The following SPMIP3 variants were observed in gnomAD, a reference collection of about 807,000 sequenced individuals.
SPMIP3 encodes protein SPMIP3.
chr1:244,370,481 T>C, the SPMIP3 span, among the ~76,000 whole-genome samples: 1 of 152,382 alleles, frequency 6.6e-6, no homozygotes, highest in Admixed American at 6.5e-5. Flanking sequence ...TGCCTAAACG[T>C]GGCTTTCCTG....
At chr1:244,377,844 G>T in the SPMIP3 span, among the ~76,000 whole-genome samples, 1 of 152,114 alleles carries the variant, frequency 6.6e-6, no homozygotes, top group Admixed American at 6.6e-5. Context: ...CTTTGAGACA[G>T]GGTCGGGCTC....
At chr1:244,379,431 C>G in the SPMIP3 span, among the ~76,000 whole-genome samples, 1 of 151,946 alleles carries the variant, frequency 6.6e-6, no homozygotes, top group East Asian at 1.9e-4. Flanking sequence ...GCCTCAAACT[C>G]CTGGCCTCAA....
the SPMIP3 span, among the ~76,000 whole-genome samples, chr1:244,384,187 G>A: frequency 6.6e-6 from 1 of 152,268 alleles, no homozygotes; most frequent in East Asian, 1.9e-4. Flanking sequence ...GAGTCAGGAG[G>A]AAATTGCAGT....
the SPMIP3 span, among the ~76,000 whole-genome samples, chr1:244,386,627 T>C: frequency 3.9e-4 from 59 of 152,214 alleles, no homozygotes; most frequent in African/African-American, 1.2e-3. Context: ...AAGGCCATCA[T>C]TGCTATTTGA....
At chr1:244,378,774 G>T in the SPMIP3 span, 1 of 971,534 alleles carries the variant, frequency 1.0e-6, no homozygotes, top group Non-Finnish European at 1.5e-6. Context: ...ATGTGTGTGT[G>T]TGTTTCTGGG....
chr1:244,387,102 A>G, the SPMIP3 span, among the ~76,000 whole-genome samples: 1 of 152,204 alleles, frequency 6.6e-6, no homozygotes, highest in Non-Finnish European at 1.5e-5. Flanking sequence ...CAGGAGTTCG[A>G]GACTAGCCTG....
the SPMIP3 span, among the ~76,000 whole-genome samples, chr1:244,354,485 A>C: frequency 6.6e-6 from 1 of 151,440 alleles, no homozygotes; most frequent in Admixed American, 6.6e-5. Context: ...CCTCCAGAGT[A>C]GCTGAGACTA....
the SPMIP3 span, among the ~76,000 whole-genome samples, chr1:244,374,608 T>C: frequency 7.0e-6 from 1 of 142,514 alleles, no homozygotes; most frequent in African/African-American, 2.6e-5. Context: ...TTTTTTTTTT[T>C]TTTTTTGAGA....
chr1:244,388,882 A>G, the SPMIP3 span: 1 of 1,240,860 alleles, frequency 8.1e-7, no homozygotes, highest in Non-Finnish European at 1.2e-6. Flanking sequence ...CAACTGCTAA[A>G]AGGACAGTGT....
At chr1:244,373,978 T>C in the SPMIP3 span, among the ~76,000 whole-genome samples, 53 of 152,122 alleles carry the variant, frequency 3.5e-4, no homozygotes, top group African/African-American at 1.2e-3. Context: ...CCCGGTGTGG[T>C]GGCAGGCACC....
chr1:244,385,950 G>C, the SPMIP3 span, among the ~76,000 whole-genome samples: 1 of 151,878 alleles, frequency 6.6e-6, no homozygotes, highest in Non-Finnish European at 1.5e-5. Context: ...GATCACCTGA[G>C]GTCAGGAGTT....
chr1:244,356,902 CT>C, the SPMIP3 span, among the ~76,000 whole-genome samples: 1 of 138,646 alleles, frequency 7.2e-6, no homozygotes, highest in South Asian at 2.4e-4. Flanking sequence ...TCCCTTTCTT[CT>C]TTTCTTTTCT....
At chr1:244,353,772 A>T in the SPMIP3 span, among the ~76,000 whole-genome samples, 5 of 152,206 alleles carry the variant, frequency 3.3e-5, no homozygotes, top group African/African-American at 1.2e-4. Flanking sequence ...GAAGGGAACC[A>T]ACCTTCCTGA....
the SPMIP3 span, among the ~76,000 whole-genome samples, chr1:244,356,105 T>A: frequency 6.6e-6 from 1 of 152,256 alleles, no homozygotes; most frequent in Non-Finnish European, 1.5e-5. Flanking sequence ...TAAGGACATC[T>A]GTACACCTTT....
chr1:244,360,856 C>T, the SPMIP3 span, among the ~76,000 whole-genome samples: 2 of 145,622 alleles, frequency 1.4e-5, no homozygotes, highest in Admixed American at 7.1e-5. Context: ...TGCACTCCAG[C>T]CTGGGTGACA....
the SPMIP3 span, chr1:244,375,616 C>A: frequency 1.9e-6 from 1 of 517,312 alleles, no homozygotes; most frequent in Non-Finnish European, 3.4e-6. Flanking sequence ...AGAAAATATA[C>A]CAAACTGTTA....
At chr1:244,368,651 C>A in the SPMIP3 span, among the ~76,000 whole-genome samples, 1 of 152,194 alleles carries the variant, frequency 6.6e-6, no homozygotes, top group African/African-American at 2.4e-5. Flanking sequence ...AATGAGTGAG[C>A]AAAGTTATCC....
chr1:244,386,991 C>T, the SPMIP3 span, among the ~76,000 whole-genome samples: 5 of 152,132 alleles, frequency 3.3e-5, no homozygotes, highest in Non-Finnish European at 5.9e-5. Flanking sequence ...TAATATTCAC[C>T]TAATAATATA....
the SPMIP3 span, chr1:244,378,516 C>A: frequency 3.7e-6 from 6 of 1,613,714 alleles, no homozygotes; most frequent in Non-Finnish European, 4.2e-6. Context: ...TCACTATCAG[C>A]CTCAATTAGA....
Sources: allele counts gnomAD v4.1 joint callset (sites outside exome capture counted in the v4.1 genomes callset), GRCh38; gene constraint gnomAD v4.1.1; transcripts MANE v1.5; gene names NCBI Gene and HGNC (gene_info 2026-07-23, HGNC 2026-07-21).